ST8SIA2: variants seen among roughly 807,000 people sequenced by gnomAD.
The protein encoded by ST8SIA2 is ST8 alpha-N-acetyl-neuraminide alpha-2,8-sialyltransferase 2, also known as alpha-2,8-sialyltransferase 8B.
In ST8SIA2, 22 loss-of-function variants were observed where a neutral mutation model predicts 37.6. That is an observed-to-expected ratio of 0.58 (90% CI 0.42 to 0.83). ST8SIA2 has a LOEUF of 0.83. Among genes scored for constraint, ST8SIA2 ranks in the 40% least tolerant of loss-of-function variants. The pLI is 0.00. For synonymous variants in ST8SIA2, 205 were observed against 201.2 expected (o/e 1.02, Z -0.16); for missense variants, 382 against 484.7 (o/e 0.79, Z 1.99).
intron 1 of ST8SIA2, among the ~76,000 whole-genome samples, chr15:92,415,425 T>C (rs532157788): frequency 2.0e-5 from 3 of 152,090 alleles, no homozygotes; most frequent in Non-Finnish European, 2.9e-5. Flanking sequence ...AGCTGAATTT[T>C]GCTAATTGAT....
At chr15:92,427,058 C>T (rs2049681606) in intron 1 of ST8SIA2, among the ~76,000 whole-genome samples, 1 of 152,302 alleles carries the variant, frequency 6.6e-6, no homozygotes, top group East Asian at 1.9e-4. Context: ...CAGGCCACTG[C>T]ACTGTCCAGC....
rs1197279607 is a variant in ST8SIA2, at chr15:92,467,122, AT to A, written c.*2739del. On this transcript the variant is annotated 3_prime_UTR_variant, in exon 6 of 6. Coordinates refer to ENST00000268164, the MANE Select transcript of ST8SIA2 (RefSeq NM_006011.4). ...AGCCACCCGAGTGGTTCCGACCTCC[AT>A]TCACCTCAAGCCCCAACAGGCCCCT... is the stretch of plus-strand genomic sequence containing the variant. 2 of 152,748 alleles carry A rather than the reference AT, an allele frequency of 1.3e-5. No homozygotes were observed. Among genetic ancestry groups the A allele is most frequent in the Non-Finnish European group, 2.9e-5 (2 of 68,302 alleles). 9.5% of individuals were successfully genotyped at this position (152,748 alleles called of 1,614,324 possible).
intron 1 of ST8SIA2, among the ~76,000 whole-genome samples, chr15:92,424,418 C>T (rs1171362068): frequency 6.6e-6 from 1 of 152,064 alleles, no homozygotes; most frequent in Non-Finnish European, 1.5e-5. Flanking sequence ...AACAATTGGG[C>T]TTGGATGAAG....
At chr15:92,413,402 C>T (rs1431752856) in intron 1 of ST8SIA2, among the ~76,000 whole-genome samples, 6 of 152,152 alleles carry the variant, frequency 3.9e-5, no homozygotes, top group Admixed American at 6.5e-5. Context: ...GAATATTCTG[C>T]GAGTTAAGGT....
chr15:92,454,742 G>C (rs2049907735), intron 5 of ST8SIA2, among the ~76,000 whole-genome samples: 1 of 151,880 alleles, frequency 6.6e-6, no homozygotes, highest in Admixed American at 6.5e-5. Context: ...AGGGGCCCCT[G>C]GCTCTGCTGG....
Position 92,423,476 on chromosome 15 carries a change from A to G in ST8SIA2, c.99-6573A>G, listed in dbSNP as rs571969348. Among the ~76,000 whole-genome samples the G allele has an allele frequency of 1.0e-3, 155 of 152,394 alleles. 4 individuals carry two copies. Among genetic ancestry groups the G allele is most frequent in the South Asian group, 6.2e-4 (3 of 4,830 alleles). Reference sequence around the variant, plus strand: ...CCATTTTGTTTTGCTATGACAGAGTATCACAGGCTAGGCAACTTAGACAGA... The same window carrying G: ...CCATTTTGTTTTGCTATGACAGAGTGTCACAGGCTAGGCAACTTAGACAGA... On this transcript the variant is annotated intron_variant, in intron 1 of 5. Coordinates refer to ENST00000268164, the MANE Select transcript of ST8SIA2 (RefSeq NM_006011.4).
chr15:92,454,341 A>G (rs900261651), intron 5 of ST8SIA2, among the ~76,000 whole-genome samples: 2 of 152,090 alleles, frequency 1.3e-5, no homozygotes, highest in African/African-American at 4.8e-5. Context: ...GACATCAGTC[A>G]TATTGGATTA....
intron 5 of ST8SIA2, among the ~76,000 whole-genome samples, chr15:92,462,772 A>AATTTGGGT (rs1183448067): frequency 6.6e-6 from 1 of 152,218 alleles, no homozygotes; most frequent in African/African-American, 2.4e-5. Context: ...TGGTAAGGAA[A>AATTTGGGT]ATGTCTTCCC....
In ST8SIA2 at chr15:92,458,140, A is replaced by G. The variant is rs376415926; in HGVS notation, c.843-5960A>G. On this transcript the variant is annotated intron_variant, in intron 5 of 5. Transcript: ENST00000268164. ...CCTGAGACTCCAGCACTTTAGCACAACAGAAGTTTATTTCTCACTCACTCG... is the reference window on the plus strand; with the variant it reads ...CCTGAGACTCCAGCACTTTAGCACAGCAGAAGTTTATTTCTCACTCACTCG... Among the ~76,000 whole-genome samples, 19 of 152,302 alleles carry G rather than the reference A, an allele frequency of 1.2e-4. No homozygotes were observed. In the East Asian group the frequency reaches 3.1e-3, roughly 25 times the overall value.
intron 1 of ST8SIA2, among the ~76,000 whole-genome samples, chr15:92,406,960 C>T (rs976449226): frequency 2.0e-5 from 3 of 148,278 alleles, no homozygotes; most frequent in African/African-American, 5.0e-5. Flanking sequence ...CACCATTACA[C>T]TCCAGCCTGG....
At chr15:92,395,277 C>T (rs1249097527) in intron 1 of ST8SIA2, among the ~76,000 whole-genome samples, 2 of 152,356 alleles carry the variant, frequency 1.3e-5, no homozygotes, top group Non-Finnish European at 2.9e-5. Flanking sequence ...CTTCTCGAGT[C>T]CCGCGCCGCG....
At chr15:92,459,214 A>G (rs4777988) in intron 5 of ST8SIA2, among the ~76,000 whole-genome samples, 62,419 of 152,050 alleles carry the variant, frequency 0.41, 13,109 homozygotes, top group Middle Eastern at 0.51. Context: ...CAGAAAATAA[A>G]CAAACCATTG....
intron 3 of ST8SIA2, among the ~76,000 whole-genome samples, chr15:92,434,648 G>A (rs752818975): frequency 3.3e-5 from 5 of 152,126 alleles, no homozygotes; most frequent in Non-Finnish European, 4.4e-5. Context: ...TCTCGGGTCA[G>A]CAGCAGAGGG....
chr15:92,464,047 T>A, intron 5 of ST8SIA2, 53 bp from the exon 6 acceptor site: 1 of 1,513,232 alleles, frequency 6.6e-7, no homozygotes, highest in Non-Finnish European at 8.8e-7. Flanking sequence ...CTGGAAAGGA[T>A]GACTCACAGA....
chr15:92,434,389 C>A lies in ST8SIA2; in HGVS notation c.290+14C>A. Reference sequence around the variant, plus strand: ...TCTGAGGATCAGGTACTGGTAATTACCTACAGGACAAGAGGTAGACTTGGT... The same window carrying A: ...TCTGAGGATCAGGTACTGGTAATTAACTACAGGACAAGAGGTAGACTTGGT... On this transcript the variant is annotated intron_variant, in intron 3 of 5. Transcript: ENST00000268164. The A allele has an allele frequency of 6.2e-7, 1 of 1,614,142 alleles. No homozygotes were observed. Among genetic ancestry groups the A allele is most frequent in the Non-Finnish European group, 8.5e-7 (1 of 1,180,008 alleles).
Position 92,434,394 on chromosome 15 carries a change from A to G in ST8SIA2, c.290+19A>G. The G allele has an allele frequency of 1.2e-6, 2 of 1,614,162 alleles. No homozygotes were observed. The highest frequency in any genetic ancestry group is 1.7e-6 in the Non-Finnish European group (2 of 1,180,006). ...GGATCAGGTACTGGTAATTACCTAC[A>G]GGACAAGAGGTAGACTTGGTCTTGA... On this transcript the variant is annotated intron_variant, in intron 3 of 5. Coordinates refer to ENST00000268164, the MANE Select transcript of ST8SIA2 (RefSeq NM_006011.4).
chr15:92,461,490 A>G (rs2049957486), intron 5 of ST8SIA2, among the ~76,000 whole-genome samples: 1 of 152,232 alleles, frequency 6.6e-6, no homozygotes, highest in African/African-American at 2.4e-5. Context: ...TAAGGCAGGC[A>G]TGGACACTGC....
chr15:92,422,675 C>A (rs563440615), intron 1 of ST8SIA2: 2 of 152,806 alleles, frequency 1.3e-5, no homozygotes, highest in East Asian at 3.9e-4. Flanking sequence ...GGCTGCGGCC[C>A]CTTGCCCATC....
chr15:92,452,445 C>G (rs1393169698), intron 5 of ST8SIA2, among the ~76,000 whole-genome samples: 1 of 152,180 alleles, frequency 6.6e-6, no homozygotes, highest in Non-Finnish European at 1.5e-5. Context: ...ATGATCTTCT[C>G]CAAATCATGC....
Sources: allele counts gnomAD v4.1 joint callset (sites outside exome capture counted in the v4.1 genomes callset), GRCh38; gene constraint gnomAD v4.1.1; transcripts MANE v1.5; gene names NCBI Gene and HGNC (gene_info 2026-07-23, HGNC 2026-07-21).